The following MCTP1 variants were observed in gnomAD, a reference collection of about 807,000 sequenced individuals.
The protein encoded by MCTP1 is multiple C2 and transmembrane domain containing 1, also known as multiple C2 and transmembrane domain-containing protein 1.
A neutral mutation model predicts 120.6 loss-of-function variants in MCTP1; 69 were observed. That is an observed-to-expected ratio of 0.57 (90% CI 0.47 to 0.70). The LOEUF (loss-of-function observed/expected upper bound fraction) is 0.70, where lower values mean the gene tolerates loss of function less well. Ranked by LOEUF, MCTP1 falls within the 30% of genes least tolerant of loss-of-function variation. The pLI is 0.00. For synonymous variants in MCTP1, 529 were observed against 493.1 expected, an observed-to-expected ratio of 1.07 and a Z score of -0.96; for missense variants, 1,203 against 1,248.8, an observed-to-expected ratio of 0.96 and a Z score of 0.55.
At chr5:95,100,582 T>C (rs1756651298) in intron 1 of MCTP1, among the ~76,000 whole-genome samples, 1 of 152,172 alleles carries the variant, frequency 6.6e-6, no homozygotes, top group Non-Finnish European at 1.5e-5. Flanking sequence ...GTATAAAGAA[T>C]ACTGTATATC....
chr5:94,720,809 A>C (rs1760719919), intron 19 of MCTP1, among the ~76,000 whole-genome samples: 1 of 152,228 alleles, frequency 6.6e-6, no homozygotes, highest in East Asian at 1.9e-4. Flanking sequence ...TAATATTTTT[A>C]TAAGCTATCT....
intron 1 of MCTP1, among the ~76,000 whole-genome samples, chr5:95,105,800 G>A (rs989990891): frequency 6.6e-6 from 1 of 152,062 alleles, no homozygotes; most frequent in African/African-American, 2.4e-5. Context: ...TAAAAGAAAA[G>A]GAATTCAGTC....
intron 1 of MCTP1, among the ~76,000 whole-genome samples, chr5:95,209,544 C>T (rs1430323666): frequency 6.6e-6 from 1 of 152,158 alleles, no homozygotes; most frequent in Non-Finnish European, 1.5e-5. Context: ...CTTTCAATGC[C>T]ATCCATGATC....
chr5:94,857,896 T>C (rs1206431378), intron 17 of MCTP1, among the ~76,000 whole-genome samples: 1 of 151,740 alleles, frequency 6.6e-6, no homozygotes, highest in Non-Finnish European at 1.5e-5. Flanking sequence ...TGTAAAGGAA[T>C]ATGCTGTTCC....
At chr5:95,232,829 A>G (rs1755116491) in intron 1 of MCTP1, among the ~76,000 whole-genome samples, 2 of 152,208 alleles carry the variant, frequency 1.3e-5, no homozygotes, top group Admixed American at 1.3e-4. Context: ...ATATTAGACA[A>G]AGTAGACTGC....
chr5:95,020,876 T>A (rs1838075255), intron 1 of MCTP1, among the ~76,000 whole-genome samples: 1 of 152,080 alleles, frequency 6.6e-6, no homozygotes, highest in South Asian at 2.1e-4. Context: ...AGTTCCCATA[T>A]ACAGTTGGAT....
chr5:95,097,776 A>G (rs540651483), intron 1 of MCTP1, among the ~76,000 whole-genome samples: 96 of 152,308 alleles, frequency 6.3e-4, no homozygotes, highest in African/African-American at 2.3e-3. Context: ...AGGTGATCTA[A>G]TAATAGATAG....
intron 17 of MCTP1, among the ~76,000 whole-genome samples, chr5:94,831,409 TA>T (rs1255768333): frequency 8.5e-5 from 13 of 152,266 alleles, no homozygotes; most frequent in African/African-American, 3.1e-4. Flanking sequence ...CAACAAATTA[TA>T]AAACACTTGT....
rs903528636 is a variant in MCTP1 at position 94,706,070 on chromosome 5, C to T, written c.*1426G>A. 1 of 151,594 alleles carries T rather than the reference C, an allele frequency of 6.6e-6. No individual in the cohort carries two copies. The highest frequency in any genetic ancestry group is 2.4e-5 in the African/African-American group (1 of 41,352). The allele number at this position is 151,594 out of a possible 1,614,324, so 9.4% of individuals were successfully genotyped here. A position where few individuals can be genotyped will look rare whatever the true frequency, so the allele number is the denominator to read the frequency against. ...GAGATTACATTTATTGTTAAAGAAT[C>T]TTCCTTTAGAGTGAAATATACATTT... On this transcript the variant is annotated 3_prime_UTR_variant, in exon 23 of 23. Coordinates refer to ENST00000515393, the MANE Select transcript of MCTP1 (RefSeq NM_024717.7).
intron 17 of MCTP1, among the ~76,000 whole-genome samples, chr5:94,815,092 C>A (rs1031059913): frequency 1.3e-5 from 2 of 152,156 alleles, no homozygotes; most frequent in African/African-American, 2.4e-5. Flanking sequence ...ACAGTCAGTG[C>A]CTCCCTTAGG....
chr5:95,223,500 C>T (rs897409753), intron 1 of MCTP1, among the ~76,000 whole-genome samples: 6 of 152,022 alleles, frequency 3.9e-5, no homozygotes, highest in Non-Finnish European at 8.8e-5. Flanking sequence ...ATAAAATCAT[C>T]GTCACACCCC....
chr5:94,844,112 G>A (rs984820661), intron 17 of MCTP1, among the ~76,000 whole-genome samples: 2 of 151,960 alleles, frequency 1.3e-5, no homozygotes, highest in Non-Finnish European at 2.9e-5. Context: ...TGACCAGCCT[G>A]ACTAACATGG....
intron 1 of MCTP1, among the ~76,000 whole-genome samples, chr5:95,118,096 T>C (rs978934432): frequency 6.6e-6 from 1 of 152,116 alleles, no homozygotes; most frequent in African/African-American, 2.4e-5. Context: ...GGTGATGCAA[T>C]GATAGATGCA....
At chr5:95,113,551 C>CTCA in intron 1 of MCTP1, among the ~76,000 whole-genome samples, 1 of 152,246 alleles carries the variant, frequency 6.6e-6, no homozygotes, top group East Asian at 1.9e-4. Context: ...CAAAACCAGA[C>CTCA]TAAGCTCAGC....
At chr5:95,063,651 A>G (rs990916652) in intron 1 of MCTP1, among the ~76,000 whole-genome samples, 1 of 152,186 alleles carries the variant, frequency 6.6e-6, no homozygotes, top group Non-Finnish European at 1.5e-5. Flanking sequence ...GCTGGAGGGC[A>G]GTGGTGCATT....
intron 7 of MCTP1, among the ~76,000 whole-genome samples, chr5:94,918,764 G>A (rs1810787256): frequency 6.6e-6 from 1 of 152,182 alleles, no homozygotes; most frequent in South Asian, 2.1e-4. Context: ...AGTCAGAAAG[G>A]TGGGTTAAAT....
chr5:95,154,258 T>G (rs1197270174), intron 1 of MCTP1: 2 of 152,130 alleles, frequency 1.3e-5, no homozygotes, highest in African/African-American at 4.8e-5. Context: ...CTTAGCTGTT[T>G]CTTATTCACA....
At chr5:95,014,677 T>G (rs1204274241) in intron 2 of MCTP1, among the ~76,000 whole-genome samples, 3 of 152,160 alleles carry the variant, frequency 2.0e-5, no homozygotes, top group African/African-American at 2.4e-5. Context: ...TTATATTAAA[T>G]TATTTTTCTC....
At chr5:94,864,588 G>A (rs1796456577) in intron 17 of MCTP1, among the ~76,000 whole-genome samples, 1 of 151,842 alleles carries the variant, frequency 6.6e-6, no homozygotes. Flanking sequence ...GGACTACACA[G>A]CAGAACAGAA....
Sources: gnomAD v4.1 joint callset for allele counts (sites outside exome capture counted in the v4.1 genomes callset) on GRCh38, gnomAD v4.1.1 for gene constraint, MANE v1.5 for transcripts, NCBI Gene and HGNC (gene_info 2026-07-23, HGNC 2026-07-21) for gene names.